DCC: variants seen among roughly 807,000 people sequenced by gnomAD.
The protein encoded by DCC is DCC netrin 1 receptor.
A neutral mutation model predicts 172.5 loss-of-function variants in DCC; 58 were observed. The observed-to-expected ratio is 0.34, with a 90% CI of 0.27 to 0.42. DCC has a LOEUF of 0.42. Among genes scored for constraint, DCC ranks in the 10% least tolerant of loss-of-function variants. The probability of loss-of-function intolerance (pLI) is 1.00; values close to 1 mark genes in which losing one functional copy is unlikely to be tolerated. For missense variants in DCC, 1,740 were observed against 1,791.0 expected, an observed-to-expected ratio of 0.97 and a Z score of 0.51; for synonymous variants, 709 against 644.5, an observed-to-expected ratio of 1.10 and a Z score of -1.52.
At chr18:53,139,546 T>G (rs575490706) in intron 7 of DCC, among the ~76,000 whole-genome samples, 1 of 152,326 alleles carries the variant, frequency 6.6e-6, no homozygotes, top group South Asian at 2.1e-4. Flanking sequence ...ATACCTTTTT[T>G]GTTTAACAAA....
At chr18:53,520,373 C>A (rs1322653878) in intron 27 of DCC, among the ~76,000 whole-genome samples, 1 of 152,028 alleles carries the variant, frequency 6.6e-6, no homozygotes, top group African/African-American at 2.4e-5. Context: ...TCCATACCAG[C>A]AGACTGATTA....
At chr18:53,015,762 A>G (rs557667326) in intron 5 of DCC, among the ~76,000 whole-genome samples, 1 of 152,146 alleles carries the variant, frequency 6.6e-6, no homozygotes, top group South Asian at 2.1e-4. Context: ...GAACTTAACC[A>G]CAAGTTTAGA....
intron 1 of DCC, among the ~76,000 whole-genome samples, chr18:52,508,885 T>G (rs2031329837): frequency 6.6e-6 from 1 of 152,210 alleles, no homozygotes; most frequent in African/African-American, 2.4e-5. Flanking sequence ...ACATGTTGCT[T>G]GAGCAGAGAT....
At chr18:52,344,361 G>A (rs1325228911) in intron 1 of DCC, among the ~76,000 whole-genome samples, 1 of 152,116 alleles carries the variant, frequency 6.6e-6, no homozygotes, top group Non-Finnish European at 1.5e-5. Flanking sequence ...TGGGGAGGCG[G>A]GGATATTTTT....
chr18:52,715,675 A>C (rs1442688716), intron 1 of DCC, among the ~76,000 whole-genome samples: 2 of 152,034 alleles, frequency 1.3e-5, no homozygotes, highest in African/African-American at 4.8e-5. Context: ...AGCCCCAACT[A>C]AAACGGCACT....
At chr18:52,751,959 C>A in intron 1 of DCC, 95 bp from the exon 2 acceptor site, 1 of 1,095,384 alleles carries the variant, frequency 9.1e-7, no homozygotes, top group Non-Finnish European at 1.4e-6. Flanking sequence ...AAGCCCTCAG[C>A]TTTTGTGAAA....
chr18:52,577,131 C>T (rs1013346580), intron 1 of DCC, among the ~76,000 whole-genome samples: 1 of 152,202 alleles, frequency 6.6e-6, no homozygotes, highest in Non-Finnish European at 1.5e-5. Context: ...TTAGGAGACA[C>T]ATTGCAGTTG....
chr18:53,051,487 T>G lies in DCC; in HGVS notation c.986-11818T>G, dbSNP rs576615862. 4.6e-5 allele frequency among the ~76,000 whole-genome samples: 7 copies of G among 152,234 alleles called. No individual in the cohort carries two copies. The East Asian group carries it at 7.7e-4, about 17-fold the overall frequency. On this transcript the variant is annotated intron_variant, in intron 5 of 28. Coordinates refer to ENST00000442544, the MANE Select transcript of DCC (RefSeq NM_005215.4). ...ACCATATTCAAAACATACCACCAAT[T>G]ATTTTACTACAATGCCTAACTGGGT...
In DCC at chr18:53,084,841, A is replaced by C. The variant is rs572876143; in HGVS notation, c.1261+18675A>C. On this transcript the variant is annotated intron_variant, in intron 7 of 28. Coordinates refer to ENST00000442544, the MANE Select transcript of DCC (RefSeq NM_005215.4). ...CTGTAGGAAACAAAATTTGAATTCA[A>C]GATTCTTCCACTAATTTTGCATCTA... Among the ~76,000 whole-genome samples, 3 of 152,344 alleles carry C rather than the reference A, an allele frequency of 2.0e-5. No homozygotes were observed. In the East Asian group the frequency reaches 5.8e-4, roughly 29 times the overall value.
chr18:53,501,509 T>A (rs1395869870), intron 27 of DCC, among the ~76,000 whole-genome samples: 1 of 151,298 alleles, frequency 6.6e-6, no homozygotes, highest in Admixed American at 6.6e-5. Context: ...TAATTCTGAA[T>A]TGAAGAATAT....
chr18:53,106,760 G>A (rs1299042826), intron 7 of DCC, among the ~76,000 whole-genome samples: 1 of 151,796 alleles, frequency 6.6e-6, no homozygotes, highest in Non-Finnish European at 1.5e-5. Flanking sequence ...TAGACATAGG[G>A]GAGTGTTTCC....
At chr18:52,428,087 A>T (rs1054713226) in intron 1 of DCC, among the ~76,000 whole-genome samples, 1 of 151,934 alleles carries the variant, frequency 6.6e-6, no homozygotes, top group African/African-American at 2.4e-5. Flanking sequence ...CAATCTCTTT[A>T]AAAAATCTTC....
chr18:52,652,181 G>A (rs1052283403), intron 1 of DCC, among the ~76,000 whole-genome samples: 3 of 152,108 alleles, frequency 2.0e-5, no homozygotes, highest in Admixed American at 6.6e-5. Context: ...TAATATGCTC[G>A]TTGCCCAAGG....
intron 1 of DCC, among the ~76,000 whole-genome samples, chr18:52,748,070 C>A (rs2036935936): frequency 6.6e-6 from 1 of 152,162 alleles, no homozygotes; most frequent in Non-Finnish European, 1.5e-5. Flanking sequence ...CCACCATAGG[C>A]GTGCCAGGCA....
intron 15 of DCC, among the ~76,000 whole-genome samples, chr18:53,347,388 G>C (rs2057737959): frequency 6.6e-6 from 1 of 152,158 alleles, no homozygotes; most frequent in Non-Finnish European, 1.5e-5. Context: ...AGAGCCAGTG[G>C]CTGTTATCAG....
intron 8 of DCC, 39 bp from the exon 9 acceptor site, chr18:53,178,923 T>C (rs1436490584): frequency 6.2e-7 from 1 of 1,612,870 alleles, no homozygotes; most frequent in African/African-American, 1.3e-5. Flanking sequence ...GAAGGTATTC[T>C]TTTTGGAATA....
intron 7 of DCC, among the ~76,000 whole-genome samples, chr18:53,134,127 G>A (rs1223000231): frequency 6.6e-6 from 1 of 152,152 alleles, no homozygotes; most frequent in Non-Finnish European, 1.5e-5. Flanking sequence ...TAGAATGTCT[G>A]CATTTTAAAT....
chr18:52,870,204 AGAGTGGTGACGCAGGAACAGAGTCCG>A (rs1320478144), intron 2 of DCC, among the ~76,000 whole-genome samples: 1 of 152,114 alleles, frequency 6.6e-6, no homozygotes, highest in Non-Finnish European at 1.5e-5. Context: ...GTGGTGGGCA[AGAGTGGTGACGCAGGAACAGAGTCCG>A]GAGTGGTGGA....
intron 1 of DCC, among the ~76,000 whole-genome samples, chr18:52,691,243 C>A (rs2035925861): frequency 6.6e-6 from 1 of 152,072 alleles, no homozygotes; most frequent in African/African-American, 2.4e-5. Context: ...GATTCAAGCA[C>A]TTTTTCCTGT....
Sources: gnomAD v4.1 joint callset for allele counts (sites outside exome capture counted in the v4.1 genomes callset) on GRCh38, gnomAD v4.1.1 for gene constraint, MANE v1.5 for transcripts, NCBI Gene and HGNC (gene_info 2026-07-23, HGNC 2026-07-21) for gene names.